The following HACD3 variants were observed in gnomAD, a reference collection of about 807,000 sequenced individuals.
HACD3 encodes very-long-chain (3R)-3-hydroxyacyl-CoA dehydratase 3.
In HACD3, 30 loss-of-function variants were observed where a neutral mutation model predicts 55.2. That is an observed-to-expected ratio of 0.54 (90% CI 0.41 to 0.74). The LOEUF (loss-of-function observed/expected upper bound fraction) is 0.74, where lower values mean the gene tolerates loss of function less well. HACD3 is among the 30% of genes least tolerant of loss of function. HACD3 has a pLI of 0.00. For missense variants in HACD3, 363 were observed against 440.1 expected (o/e 0.82, Z 1.57); for synonymous variants, 141 against 151.7 (o/e 0.93, Z 0.52).
At chr15:65,541,031 A>G (rs969339503) in intron 1 of HACD3, among the ~76,000 whole-genome samples, 5 of 152,200 alleles carry the variant, frequency 3.3e-5, no homozygotes, top group Admixed American at 1.3e-4. Flanking sequence ...TTAAGCACAG[A>G]GTAGATGACA....
chr15:65,547,683 T>G (rs892634671), intron 1 of HACD3, among the ~76,000 whole-genome samples: 1 of 152,234 alleles, frequency 6.6e-6, no homozygotes, highest in Non-Finnish European at 1.5e-5. Flanking sequence ...TCTGCACACA[T>G]ACTAATCACA....
chr15:65,536,756 AAAAC>A (rs774637145), intron 1 of HACD3, among the ~76,000 whole-genome samples: 29 of 152,264 alleles, frequency 1.9e-4, no homozygotes, highest in African/African-American at 4.6e-4. Flanking sequence ...TCTCAAAAAC[AAAAC>A]AAACAAACAA....
chr15:65,574,728 T>C (rs897155917), intron 10 of HACD3, among the ~76,000 whole-genome samples: 7 of 152,248 alleles, frequency 4.6e-5, no homozygotes, highest in Non-Finnish European at 7.3e-5. Context: ...TTTCTTTTTT[T>C]CTGTTTCAGC....
At chr15:65,567,149 C>A (rs956856821) in intron 7 of HACD3, among the ~76,000 whole-genome samples, 1 of 151,774 alleles carries the variant, frequency 6.6e-6, no homozygotes, top group African/African-American at 2.4e-5. Context: ...ATAGTGAGAC[C>A]CCATTTCTAA....
intron 4 of HACD3, 40 bp downstream of exon 4, chr15:65,556,943 C>A (rs778971958): frequency 1.2e-5 from 19 of 1,567,842 alleles, no homozygotes; most frequent in Non-Finnish European, 7.8e-6. Context: ...GAGGACAAAT[C>A]ATGGGGAACC....
chr15:65,572,450 T>G, intron 10 of HACD3, 84 bp downstream of exon 10: 1 of 1,377,508 alleles, frequency 7.3e-7, no homozygotes, highest in Non-Finnish European at 9.7e-7. Context: ...TAAAAGTCCA[T>G]ATGAGAATTC....
chr15:65,547,455 C>T (rs1393095588), intron 1 of HACD3, among the ~76,000 whole-genome samples: 1 of 152,168 alleles, frequency 6.6e-6, no homozygotes, highest in Non-Finnish European at 1.5e-5. Context: ...ACTTAGGTAA[C>T]CTCTGCCTAA....
At chr15:65,539,407 G>C (rs890483191) in intron 1 of HACD3, among the ~76,000 whole-genome samples, 1 of 152,006 alleles carries the variant, frequency 6.6e-6, no homozygotes, top group Non-Finnish European at 1.5e-5. Flanking sequence ...TTTTAGTAGA[G>C]ATGGGGTTTC....
chr15:65,560,566 G>T (rs969196444), intron 5 of HACD3, among the ~76,000 whole-genome samples: 1 of 152,156 alleles, frequency 6.6e-6, no homozygotes, highest in Non-Finnish European at 1.5e-5. Flanking sequence ...GGGAGACTGA[G>T]GCGGGAGGAT....
intron 5 of HACD3, among the ~76,000 whole-genome samples, chr15:65,559,316 C>G (rs1365008308): frequency 6.6e-6 from 1 of 152,122 alleles, no homozygotes; most frequent in East Asian, 1.9e-4. Flanking sequence ...AAGCATTGTG[C>G]TGGGCCCTTG....
chr15:65,569,363 C>CA (rs2072326461), intron 7 of HACD3, among the ~76,000 whole-genome samples: 1 of 151,638 alleles, frequency 6.6e-6, no homozygotes, highest in Admixed American at 6.6e-5. Context: ...TTAAAACAGG[C>CA]AAAATGAAAC....
chr15:65,562,567 A>C (rs957122830), intron 5 of HACD3, among the ~76,000 whole-genome samples: 1 of 152,098 alleles, frequency 6.6e-6, no homozygotes, highest in African/African-American at 2.4e-5. Context: ...TCCTGCTGAA[A>C]ATACATGCTG....
rs1555485127 is a variant in HACD3, at chr15:65,572,927, A to AAT, written c.1012+562_1012+563insTA. On this transcript the variant is annotated intron_variant, in intron 10 of 10. Transcript: ENST00000261875. ...GGGACTTTGTCTCAAAAAAAAAAAA[A>AAT]AAATAAATAAATAAATAAAAATTAA... 4.3e-3 allele frequency among the ~76,000 whole-genome samples: 602 copies of AAT among 139,324 alleles called. 4 individuals are homozygous for AAT. The highest frequency in any genetic ancestry group is 0.016 in the African/African-American group (568 of 35,276). The allele number at this position is 139,324 out of a possible 152,430, so 91.4% of individuals were successfully genotyped here.
chr15:65,568,128 G>A (rs952623908), intron 7 of HACD3, among the ~76,000 whole-genome samples: 1 of 151,568 alleles, frequency 6.6e-6, no homozygotes, highest in Admixed American at 6.6e-5. Context: ...TCCCATGTTG[G>A]CCAGGCTGGT....
intron 1 of HACD3, among the ~76,000 whole-genome samples, chr15:65,541,917 T>C (rs2072022982): frequency 6.6e-6 from 1 of 152,010 alleles, no homozygotes; most frequent in Admixed American, 6.6e-5. Context: ...AATTTTTGTA[T>C]AGAAAGAAGG....
intron 1 of HACD3, among the ~76,000 whole-genome samples, chr15:65,538,738 C>G (rs2071988630): frequency 6.6e-6 from 1 of 152,158 alleles, no homozygotes; most frequent in South Asian, 2.1e-4. Context: ...GAAGGAAAGA[C>G]TCAATCAATG....
chr15:65,551,984 G>C (rs915976362), intron 2 of HACD3: 1 of 372,516 alleles, frequency 2.7e-6, no homozygotes, highest in Non-Finnish European at 4.9e-6. Context: ...ATCAGGAGAC[G>C]TGTCTTCTAG....
At chr15:65,549,455 C>T (rs1446210320) in intron 1 of HACD3, among the ~76,000 whole-genome samples, 2 of 140,924 alleles carry the variant, frequency 1.4e-5, no homozygotes, top group African/African-American at 2.8e-5. Context: ...AAAAAATTAG[C>T]TGGGTGTGGT....
chr15:65,562,496 A>G (rs1005193507), intron 5 of HACD3, among the ~76,000 whole-genome samples: 9 of 152,212 alleles, frequency 5.9e-5, no homozygotes, highest in African/African-American at 2.2e-4. Context: ...CACCAGGGGT[A>G]ATATTTTTTT....
Sources: allele counts gnomAD v4.1 joint callset (sites outside exome capture counted in the v4.1 genomes callset), GRCh38; gene constraint gnomAD v4.1.1; transcripts MANE v1.5; gene names NCBI Gene and HGNC (gene_info 2026-07-23, HGNC 2026-07-21).